The following B3GALT1 variants were observed in gnomAD, a reference collection of about 807,000 sequenced individuals.
The protein encoded by B3GALT1 is UDP-Gal:betaGlcNAc beta 1,3-galactosyltransferase, polypeptide 1.
Under a neutral mutation model 23.2 loss-of-function variants are expected in B3GALT1, and 10 were observed. The observed-to-expected ratio is 0.43, with a 90% CI of 0.27 to 0.73. The LOEUF is 0.73. B3GALT1 is among the 30% of genes least tolerant of loss of function. B3GALT1 has a pLI of 0.21. For synonymous variants in B3GALT1, 156 were observed against 141.5 expected (o/e 1.10, Z -0.73); for missense variants, 299 against 405.4 (o/e 0.74, Z 2.25).
intron 1 of B3GALT1, among the ~76,000 whole-genome samples, chr2:167,385,120 T>C (rs1288628264): frequency 6.6e-6 from 1 of 152,148 alleles, no homozygotes; most frequent in Non-Finnish European, 1.5e-5. Context: ...GGCTGCCAAC[T>C]CAGCACCACT....
At chr2:167,591,305 C>G (rs1684674915) in intron 2 of B3GALT1, among the ~76,000 whole-genome samples, 1 of 151,906 alleles carries the variant, frequency 6.6e-6, no homozygotes, top group African/African-American at 2.4e-5. Context: ...GGTAGTATGG[C>G]TCAATTAAAG....
chr2:167,544,313 G>C (rs1683588728), intron 2 of B3GALT1, among the ~76,000 whole-genome samples: 1 of 152,066 alleles, frequency 6.6e-6, no homozygotes, highest in Admixed American at 6.5e-5. Flanking sequence ...GTTTGTTTTT[G>C]GGACAGAGTC....
intron 3 of B3GALT1, among the ~76,000 whole-genome samples, chr2:167,677,397 G>A (rs1334563557): frequency 6.6e-6 from 1 of 152,102 alleles, no homozygotes; most frequent in Non-Finnish European, 1.5e-5. Context: ...CTATATAAAA[G>A]AGATAAAAGC....
At chr2:167,733,514 G>T (rs1687442992) in intron 3 of B3GALT1, among the ~76,000 whole-genome samples, 1 of 151,998 alleles carries the variant, frequency 6.6e-6, no homozygotes, top group Admixed American at 6.6e-5. Flanking sequence ...GAAGCCAAAA[G>T]ATTGGACAGC....
At chr2:167,721,876 G>T (rs1280967439) in intron 3 of B3GALT1, among the ~76,000 whole-genome samples, 1 of 152,210 alleles carries the variant, frequency 6.6e-6, no homozygotes, top group Non-Finnish European at 1.5e-5. Flanking sequence ...AGCAGTCAGG[G>T]ACTGGCATTT....
intron 2 of B3GALT1, among the ~76,000 whole-genome samples, chr2:167,579,430 G>GTTTTTTTTTTTTTTTT (rs1553469287): frequency 1.1e-4 from 7 of 63,624 alleles, no homozygotes; most frequent in East Asian, 2.5e-3. Flanking sequence ...GTTTTTTTTT[G>GTTTTTTTTTTTTTTTT]TCTTTTTTTT....
intron 2 of B3GALT1, among the ~76,000 whole-genome samples, chr2:167,512,545 T>C (rs1182402255): frequency 2.5e-4 from 19 of 77,034 alleles, no homozygotes; most frequent in East Asian, 1.5e-3. Flanking sequence ...TATATATATA[T>C]GTATATATAT....
chr2:167,419,337 T>C (rs1698514833), intron 1 of B3GALT1, among the ~76,000 whole-genome samples: 1 of 152,222 alleles, frequency 6.6e-6, no homozygotes. Context: ...CCTTAAAATA[T>C]AACAACCTTT....
intron 1 of B3GALT1, among the ~76,000 whole-genome samples, chr2:167,393,100 G>T (rs187993542): frequency 2.8e-3 from 428 of 152,226 alleles, no homozygotes; most frequent in African/African-American, 9.7e-3. Flanking sequence ...CAGACGTGGT[G>T]GTGGGTGCCT....
chr2:167,576,327 G>A (rs1280491699), intron 2 of B3GALT1, among the ~76,000 whole-genome samples: 1 of 151,576 alleles, frequency 6.6e-6, no homozygotes, highest in Non-Finnish European at 1.5e-5. Context: ...CAGAAATATT[G>A]TATATAGAGA....
In B3GALT1 at chr2:167,529,576, C is replaced by T. The variant is rs754859095; in HGVS notation, c.-410+39299C>T. Among the ~76,000 whole-genome samples, 97 of 150,370 alleles carry T rather than the reference C, an allele frequency of 6.5e-4. 1 individual carries two copies. Among genetic ancestry groups the T allele is most frequent in the Admixed American group, 2.6e-4 (4 of 15,100 alleles). On this transcript the variant is annotated intron_variant, in intron 2 of 4. Transcript: ENST00000392690. Reference sequence around the variant, plus strand: ...CTCAGCATATGGAAAACTTTGTTTCCGATCTCACTCTCCTCCCACATGAGC... The same window carrying T: ...CTCAGCATATGGAAAACTTTGTTTCTGATCTCACTCTCCTCCCACATGAGC...
chr2:167,550,211 G>A (rs1683721755), intron 2 of B3GALT1, among the ~76,000 whole-genome samples: 1 of 152,184 alleles, frequency 6.6e-6, no homozygotes, highest in Non-Finnish European at 1.5e-5. Context: ...CTCAGATAAT[G>A]AGGTAATTTT....
At chr2:167,303,946 T>C (rs1419996633) in intron 1 of B3GALT1, among the ~76,000 whole-genome samples, 1 of 151,988 alleles carries the variant, frequency 6.6e-6, no homozygotes, top group African/African-American at 2.4e-5. Context: ...TTTCACTGGG[T>C]TGGGGAGACC....
At chr2:167,482,471 T>G (rs1699573850) in intron 1 of B3GALT1, among the ~76,000 whole-genome samples, 1 of 152,198 alleles carries the variant, frequency 6.6e-6, no homozygotes, top group Non-Finnish European at 1.5e-5. Context: ...ATGCGAAATT[T>G]GAAATATACA....
In B3GALT1 at chr2:167,712,786, G is replaced by T. The variant is rs145873154; in HGVS notation, c.-352+65820G>T. On this transcript the variant is annotated intron_variant, in intron 3 of 4. Transcript: ENST00000392690. Reference sequence around the variant, plus strand: ...GAAATTACCTGGGGCATCTGTTAGGGCTATCTCCATTTTAAGCACTAGGAA... The same window carrying T: ...GAAATTACCTGGGGCATCTGTTAGGTCTATCTCCATTTTAAGCACTAGGAA... Among the ~76,000 whole-genome samples, 36 of 152,238 alleles carry T rather than the reference G, an allele frequency of 2.4e-4. 1 individual carries two copies. Among genetic ancestry groups the T allele is most frequent in the African/African-American group, 8.4e-4 (35 of 41,530 alleles).
At chr2:167,327,405 T>A (rs1696912638) in intron 1 of B3GALT1, among the ~76,000 whole-genome samples, 1 of 152,144 alleles carries the variant, frequency 6.6e-6, no homozygotes, top group South Asian at 2.1e-4. Context: ...TCTTTCCATT[T>A]GTGTCCTCTT....
intron 3 of B3GALT1, among the ~76,000 whole-genome samples, chr2:167,711,914 G>A (rs147097111): frequency 3.3e-5 from 5 of 152,312 alleles, no homozygotes; most frequent in African/African-American, 1.2e-4. Context: ...GTTGCAGTAA[G>A]CTGAGATCAT....
At chr2:167,617,864 C>T (rs549961344) in intron 2 of B3GALT1, among the ~76,000 whole-genome samples, 2 of 152,114 alleles carry the variant, frequency 1.3e-5, no homozygotes, top group East Asian at 3.9e-4. Context: ...GCACTGTCTC[C>T]CATGGTTTTG....
At chr2:167,304,807 G>A (rs765959591) in intron 1 of B3GALT1, among the ~76,000 whole-genome samples, 16 of 152,098 alleles carry the variant, frequency 1.1e-4, no homozygotes, top group Non-Finnish European at 2.1e-4. Flanking sequence ...TGGAAAATTA[G>A]GAAAGCTGGT....
Sources: gnomAD v4.1 joint callset for allele counts (sites outside exome capture counted in the v4.1 genomes callset) on GRCh38, gnomAD v4.1.1 for gene constraint, MANE v1.5 for transcripts, NCBI Gene and HGNC (gene_info 2026-07-23, HGNC 2026-07-21) for gene names.